Variants in PDE3A observed in about 807,000 individuals in gnomAD.
PDE3A encodes the protein phosphodiesterase 3A, also known as cGMP-inhibited 3',5'-cyclic phosphodiesterase 3A.
PDE3A carries 43 observed loss-of-function variants against 98.3 expected under a neutral mutation model. The observed-to-expected ratio is 0.44, with a 90% CI of 0.34 to 0.56. PDE3A has a LOEUF of 0.56. Among genes scored for constraint, PDE3A ranks in the 20% least tolerant of loss-of-function variants. The probability of loss-of-function intolerance (pLI) is 0.01; values close to 1 mark genes in which losing one functional copy is unlikely to be tolerated. For synonymous variants in PDE3A, 663 were observed against 567.9 expected (o/e 1.17, Z -2.38); for missense variants, 1,427 against 1,440.7 (o/e 0.99, Z 0.15).
intron 1 of PDE3A, 82 bp from the exon 2 acceptor site, chr12:20,556,578 C>G: frequency 1.1e-6 from 1 of 892,888 alleles, no homozygotes; most frequent in Non-Finnish European, 1.8e-6. Flanking sequence ...TTGGAACAAC[C>G]TGATTATTCT....
chr12:20,381,677 C>G (rs1264468605), intron 1 of PDE3A, among the ~76,000 whole-genome samples: 1 of 151,820 alleles, frequency 6.6e-6, no homozygotes, highest in African/African-American at 2.4e-5. Context: ...CTTTTTAGCA[C>G]ATTTATCATT....
chr12:20,565,948 C>T (rs2121297156), intron 2 of PDE3A, among the ~76,000 whole-genome samples: 1 of 151,894 alleles, frequency 6.6e-6, no homozygotes, highest in Admixed American at 6.6e-5. Flanking sequence ...GATTTTCTTA[C>T]AAAGTTTTAC....
chr12:20,461,677 G>A (rs983693561), intron 1 of PDE3A, among the ~76,000 whole-genome samples: 5 of 152,032 alleles, frequency 3.3e-5, no homozygotes, highest in African/African-American at 1.2e-4. Flanking sequence ...TAACTAAATG[G>A]GATGATGGTG....
At chr12:20,586,681 T>C (rs1409442500) in intron 2 of PDE3A, among the ~76,000 whole-genome samples, 1 of 152,214 alleles carries the variant, frequency 6.6e-6, no homozygotes, top group Non-Finnish European at 1.5e-5. Flanking sequence ...AAGGTTATTG[T>C]TAATATTAGA....
chr12:20,658,108 G>A (rs1328993818), intron 15 of PDE3A, among the ~76,000 whole-genome samples: 1 of 151,728 alleles, frequency 6.6e-6, no homozygotes, highest in African/African-American at 2.4e-5. Flanking sequence ...AGATAGAAGA[G>A]TAATTTTTAA....
rs116735156 is a variant in PDE3A, at chr12:20,579,789, T to A, written c.1011+23079T>A. On this transcript the variant is annotated intron_variant, in intron 2 of 15. Coordinates refer to ENST00000359062, the MANE Select transcript of PDE3A (RefSeq NM_000921.5). ...CAATGATTCAGAGTTGCGCATTAGG[T>A]AATGCTTTGGTAAAAATCAAAGGTT... Among the ~76,000 whole-genome samples the A allele has an allele frequency of 5.1e-3, 779 of 152,256 alleles. 4 individuals carry two copies. The highest frequency in any genetic ancestry group is 0.018 in the African/African-American group (742 of 41,562).
intron 2 of PDE3A, among the ~76,000 whole-genome samples, chr12:20,574,367 G>A (rs1014635268): frequency 7.2e-5 from 11 of 152,070 alleles, no homozygotes; most frequent in African/African-American, 2.7e-4. Context: ...CAGTGGTGAA[G>A]AGAATGATCT....
At chr12:20,456,365 CA>C (rs34968284) in intron 1 of PDE3A, among the ~76,000 whole-genome samples, 4,015 of 152,128 alleles carry the variant, frequency 0.026, 100 homozygotes, top group Middle Eastern at 0.068. Flanking sequence ...AGATACTATA[CA>C]AACAAATCTG....
rs61084264 is a variant in PDE3A, at chr12:20,404,793, C to T, written c.960+34549C>T. ...TGAGCTATTGGCCACGTGCCAGGGA[C>T]CATTGCCATTCCACACATGTGTAGG... On this transcript the variant is annotated intron_variant, in intron 1 of 15. Transcript: ENST00000359062. Among the ~76,000 whole-genome samples, 498 of 147,342 alleles carry T rather than the reference C, an allele frequency of 3.4e-3. 1 individual carries two copies. Among genetic ancestry groups the T allele is most frequent in the African/African-American group, 0.012 (470 of 40,252 alleles).
intron 1 of PDE3A, among the ~76,000 whole-genome samples, chr12:20,415,422 A>ATTTATT (rs1944406825): frequency 1.6e-5 from 1 of 63,720 alleles, no homozygotes; most frequent in Non-Finnish European, 4.1e-5. Flanking sequence ...ATTTATTTAT[A>ATTTATT]TTTTTTATTT....
intron 1 of PDE3A, among the ~76,000 whole-genome samples, chr12:20,370,609 A>G (rs776105171): frequency 6.6e-6 from 1 of 152,070 alleles, no homozygotes; most frequent in African/African-American, 2.4e-5. Flanking sequence ...CAGAAATTTT[A>G]GAATTAAGTT....
At chr12:20,629,861 C>T (rs1184848493) in intron 5 of PDE3A, 47 bp from the exon 6 acceptor site, 5 of 1,435,314 alleles carry the variant, frequency 3.5e-6, no homozygotes, top group East Asian at 2.3e-5. Context: ...TGCAATTTTG[C>T]ATTTTAAAGA....
chr12:20,673,168 T>C (rs1458520722), intron 15 of PDE3A, among the ~76,000 whole-genome samples: 1 of 152,192 alleles, frequency 6.6e-6, no homozygotes, highest in East Asian at 1.9e-4. Context: ...TCACACCATT[T>C]AGAATGGCAA....
intron 4 of PDE3A, among the ~76,000 whole-genome samples, chr12:20,621,016 G>T (rs1157829250): frequency 6.6e-6 from 1 of 152,014 alleles, no homozygotes; most frequent in Non-Finnish European, 1.5e-5. Flanking sequence ...CAGTGAGAAG[G>T]TGTTTAATTT....
chr12:20,548,081 C>T (rs971354521), intron 1 of PDE3A, among the ~76,000 whole-genome samples: 11 of 151,982 alleles, frequency 7.2e-5, no homozygotes, highest in Non-Finnish European at 1.5e-5. Context: ...AGAATTTATT[C>T]CATAAGGATC....
intron 1 of PDE3A, among the ~76,000 whole-genome samples, chr12:20,373,808 A>T (rs1276250260): frequency 6.6e-6 from 1 of 152,152 alleles, no homozygotes; most frequent in Admixed American, 6.6e-5. Flanking sequence ...TGTGAGAAAG[A>T]CACTTTTAGG....
intron 1 of PDE3A, among the ~76,000 whole-genome samples, chr12:20,393,164 A>C (rs1014901705): frequency 6.6e-6 from 1 of 152,014 alleles, no homozygotes; most frequent in African/African-American, 2.4e-5. Flanking sequence ...CACGCTGCCT[A>C]TAAAGACATA....
intron 1 of PDE3A, among the ~76,000 whole-genome samples, chr12:20,401,117 T>C (rs1469480523): frequency 6.6e-6 from 1 of 152,168 alleles, no homozygotes; most frequent in East Asian, 1.9e-4. Flanking sequence ...GTAATCATTA[T>C]ACCCAGTCCT....
At chr12:20,591,615 C>T (rs1194727529) in intron 2 of PDE3A, among the ~76,000 whole-genome samples, 1 of 152,226 alleles carries the variant, frequency 6.6e-6, no homozygotes, top group Non-Finnish European at 1.5e-5. Context: ...AAGAATGATA[C>T]ACTGTTCTGT....
Sources: allele counts gnomAD v4.1 joint callset (sites outside exome capture counted in the v4.1 genomes callset), GRCh38; gene constraint gnomAD v4.1.1; transcripts MANE v1.5; gene names NCBI Gene and HGNC (gene_info 2026-07-23, HGNC 2026-07-21).